Variants in FBN2 observed in about 807,000 individuals in gnomAD.
FBN2 encodes the protein fibrillin-2.
FBN2 carries 105 observed loss-of-function variants against 355.6 expected under a neutral mutation model. That is an observed-to-expected ratio of 0.30 (90% CI 0.25 to 0.35). FBN2 has a LOEUF of 0.35. Ranked by LOEUF, FBN2 falls within the 10% of genes least tolerant of loss-of-function variation. FBN2 has a pLI of 1.00. For synonymous variants in FBN2, 1,350 were observed against 1,301.2 expected (o/e 1.04, Z -0.81); for missense variants, 3,280 against 3,758.7 (o/e 0.87, Z 3.33).
At chr5:128,335,121 G>A in intron 30 of FBN2, 49 bp downstream of exon 30, 1 of 1,611,516 alleles carries the variant, frequency 6.2e-7, no homozygotes, top group Non-Finnish European at 8.5e-7. Flanking sequence ...GCATGTGGGT[G>A]TGTGTGCATG....
intron 5 of FBN2, among the ~76,000 whole-genome samples, chr5:128,514,966 T>C (rs545104296): frequency 2.6e-5 from 4 of 152,334 alleles, no homozygotes; most frequent in Admixed American, 2.0e-4. Flanking sequence ...CGTCACCATA[T>C]TCCCTATATT....
At chr5:128,477,610 C>T (rs555137236) in intron 5 of FBN2, among the ~76,000 whole-genome samples, 74 of 152,178 alleles carry the variant, frequency 4.9e-4, no homozygotes, top group African/African-American at 1.7e-3. Flanking sequence ...GTACAATAAC[C>T]GTATTTGGTC....
intron 5 of FBN2, among the ~76,000 whole-genome samples, chr5:128,491,817 C>A (rs1374683095): frequency 6.6e-6 from 1 of 152,098 alleles, no homozygotes; most frequent in Non-Finnish European, 1.5e-5. Flanking sequence ...TCAACCAGAA[C>A]CACAATTATT....
At chr5:128,395,422 G>T in intron 8 of FBN2, 148 bp from the exon 9 acceptor site, 1 of 882,202 alleles carries the variant, frequency 1.1e-6, no homozygotes, top group Non-Finnish European at 1.8e-6. Flanking sequence ...TAATATCTCA[G>T]ACATTCATTG....
rs1047179580 is a variant in FBN2, at chr5:128,384,081, T to C, written c.1604-5191A>G. On this transcript the variant is annotated intron_variant, in intron 11 of 64. Coordinates refer to ENST00000262464, the MANE Select transcript of FBN2 (RefSeq NM_001999.4). ...ATATAAATAAACTGTGCTATATCCA[T>C]ACAATAAAATATTATTCCACAACAA... Among the ~76,000 whole-genome samples, 18 of 152,246 alleles carry C rather than the reference T, an allele frequency of 1.2e-4. No individual in the cohort carries two copies. The East Asian group carries it at 2.5e-3, about 21-fold the overall frequency.
At position 128,310,396 on chromosome 5, in the gene FBN2, ATATATATTTTTTT is replaced by A. The variant is rs1288540353; in HGVS notation, c.5075-301_5075-289del. ...TATATATATATATATATATATATAT[ATATATATTTTTTT>A]TTTTTTTTTTTTATTGCAATTCGCA... On this transcript the variant is annotated intron_variant, in intron 39 of 64. Coordinates refer to ENST00000262464, the MANE Select transcript of FBN2 (RefSeq NM_001999.4). Among the ~76,000 whole-genome samples, 183 of 18,412 alleles carry A rather than the reference ATATATATTTTTTT, an allele frequency of 9.9e-3. 1 individual carries two copies. In the East Asian group the frequency reaches 0.14, roughly 14 times the overall value. 12.1% of individuals were successfully genotyped at this position (18,412 alleles called of 152,430 possible). A position where few individuals can be genotyped will look rare whatever the true frequency, so the allele number is the denominator to read the frequency against.
At chr5:128,388,021 T>A (rs1420356110) in intron 11 of FBN2, among the ~76,000 whole-genome samples, 1 of 152,242 alleles carries the variant, frequency 6.6e-6, no homozygotes, top group Non-Finnish European at 1.5e-5. Context: ...TGAATCTGGA[T>A]GCTCCAGTGT....
chr5:128,375,208 C>A (rs934535328), intron 14 of FBN2, among the ~76,000 whole-genome samples: 2 of 152,142 alleles, frequency 1.3e-5, no homozygotes, highest in Non-Finnish European at 2.9e-5. Context: ...CGTAACCCAG[C>A]ATTAAATGAC....
intron 8 of FBN2, 41 bp downstream of exon 8, chr5:128,408,633 T>A (rs201464034): frequency 6.2e-7 from 1 of 1,613,210 alleles, no homozygotes; most frequent in African/African-American, 1.3e-5. Flanking sequence ...TTTGTCATTA[T>A]AAAGACCCAG....
At chr5:128,489,627 T>C (rs1193185951) in intron 5 of FBN2, among the ~76,000 whole-genome samples, 1 of 152,070 alleles carries the variant, frequency 6.6e-6, no homozygotes, top group Non-Finnish European at 1.5e-5. Flanking sequence ...AATAAAAACA[T>C]TAGGAAACAA....
At chr5:128,489,419 ATTTG>A (rs1250164936) in intron 5 of FBN2, among the ~76,000 whole-genome samples, 1 of 146,846 alleles carries the variant, frequency 6.8e-6, no homozygotes, top group Non-Finnish European at 1.5e-5. Context: ...TCTTATTTGA[ATTTG>A]TTTTTCTCTT....
rs200060005 is a variant in FBN2 at position 128,338,975 on chromosome 5, C to G, written c.3430G>C (p.Glu1144Gln). ...ATCATGAAGCCACTTTCATAGCCTT[C>G]GAAGCACTCGCACTCAAAGCTGCCC... ...TPGSFECECFEGYESGFMMMK... is the reference protein window; with the variant it reads ...TPGSFECECFQGYESGFMMMK... The change falls in exon 26 of 65, where the codon GAA (glutamate) becomes CAA (glutamine). Residue 1144 changes from glutamate (E) to glutamine (Q), a missense_variant. Coordinates refer to ENST00000262464, the MANE Select transcript of FBN2 (RefSeq NM_001999.4). 5 of 1,614,048 alleles carry G rather than the reference C, an allele frequency of 3.1e-6. No individual in the cohort carries two copies. Among genetic ancestry groups the G allele is most frequent in the Non-Finnish European group, 4.2e-6 (5 of 1,179,950 alleles).
In FBN2 at chr5:128,537,528, T is replaced by C. The variant is rs374922166; in HGVS notation, c.76A>G (p.Thr26Ala). Residue 26 changes from threonine to alanine, a missense_variant, in exon 1 of 65, where the codon ACG becomes GCG. Thr to Ala is a moderately conservative substitution (Grantham distance 58, BLOSUM62 0). Around this residue, in one of 6 missense-constraint regions of FBN2, gnomAD observed 203 missense variants for 142.2 expected, o/e 1.43. Coordinates refer to ENST00000262464, the MANE Select transcript of FBN2 (RefSeq NM_001999.4). Reference sequence around the variant, plus strand: ...GGAGGAGGCTGAGGCTGGCCGGCCGTGCCCTGCGCCCAGAGCACCACACAG... The same window carrying C: ...GGAGGAGGCTGAGGCTGGCCGGCCGCGCCCTGCGCCCAGAGCACCACACAG... ...LGCVVLWAQG[T>A]AGQPQPPPPK... 195 of 1,583,024 alleles carry C rather than the reference T, an allele frequency of 1.2e-4. No individual in the cohort carries two copies. Among genetic ancestry groups the C allele is most frequent in the Admixed American group, 1.8e-5 (1 of 56,450 alleles).
intron 5 of FBN2, among the ~76,000 whole-genome samples, chr5:128,480,720 T>A (rs370544269): frequency 1.3e-5 from 2 of 152,144 alleles, no homozygotes; most frequent in South Asian, 2.1e-4. Context: ...GCGAGACTCC[T>A]TCTCAAATAA....
Position 128,393,362 on chromosome 5 carries a change from T to C in FBN2, c.1238A>G (p.Tyr413Cys), listed in dbSNP as rs576123258. The C allele has an allele frequency of 5.0e-5, 80 of 1,613,846 alleles. No individual in the cohort carries two copies. Among genetic ancestry groups the C allele is most frequent in the Non-Finnish European group, 6.5e-5 (77 of 1,179,872 alleles). Residue 413 changes from tyrosine to cysteine, a missense_variant, in exon 10 of 65, where the codon TAT (tyrosine) becomes TGT (cysteine). Tyr to Cys is a radical substitution (Grantham distance 194). This residue lies in a region of FBN2 where 343 missense variants were observed against 331.0 expected (regional missense o/e 1.04). Transcript: ENST00000262464. ...EACPVRGSEE[Y>C]RRLCMDGLPM... Reference sequence around the variant, plus strand: ...AAGTCCATCCATGCAAAGTCTGCGATATTCCTCTAGAAGAAAAGAAAGTTG... The same window carrying C: ...AAGTCCATCCATGCAAAGTCTGCGACATTCCTCTAGAAGAAAAGAAAGTTG...
chr5:128,272,802 A>G (rs1311379959), intron 61 of FBN2, among the ~76,000 whole-genome samples: 4 of 152,152 alleles, frequency 2.6e-5, no homozygotes, highest in African/African-American at 7.2e-5. Context: ...TGAGGGGTGT[A>G]ACAAATTTAC....
intron 11 of FBN2, among the ~76,000 whole-genome samples, chr5:128,379,367 A>G (rs979431315): frequency 6.6e-6 from 1 of 152,222 alleles, no homozygotes; most frequent in Non-Finnish European, 1.5e-5. Flanking sequence ...CTTTGGTATA[A>G]CTTTTTTTTG....
chr5:128,429,902 C>A (rs746426270), intron 7 of FBN2, among the ~76,000 whole-genome samples: 2 of 152,058 alleles, frequency 1.3e-5, no homozygotes, highest in Non-Finnish European at 2.9e-5. Flanking sequence ...TAAATGAGAA[C>A]TTTTTTCTTT....
At chr5:128,301,575 G>A (rs905154763) in intron 46 of FBN2, 65 bp from the exon 47 acceptor site, 4 of 1,500,480 alleles carry the variant, frequency 2.7e-6, no homozygotes, top group East Asian at 4.5e-5. Context: ...TTCACAAGAC[G>A]CTACTTAAAA....
Sources: gnomAD v4.1 joint callset for allele counts (sites outside exome capture counted in the v4.1 genomes callset) on GRCh38, gnomAD v4.1.1 for gene constraint, gnomAD v4.1.1 regional missense constraint, MANE v1.5 for transcripts, NCBI Gene and HGNC (gene_info 2026-07-23, HGNC 2026-07-21) for gene names.